Variants in PHF21B observed in about 807,000 individuals in gnomAD.
The protein encoded by PHF21B is PHD finger protein 21B, also known as PHD finger protein 4.
A neutral mutation model predicts 62.2 loss-of-function variants in PHF21B; 22 were observed. The ratio of observed to expected loss-of-function variants is 0.35; its 90% CI spans 0.25 to 0.51. The LOEUF is 0.51. Ranked by LOEUF, PHF21B falls within the 20% of genes least tolerant of loss-of-function variation. PHF21B has a pLI of 0.97. For synonymous variants in PHF21B, 341 were observed against 314.7 expected (o/e 1.08, Z -0.88); for missense variants, 701 against 707.9 (o/e 0.99, Z 0.11).
At chr22:44,958,598 ATTTTTTTTTT>A (rs59943293) in intron 2 of PHF21B, among the ~76,000 whole-genome samples, 23 of 75,902 alleles carry the variant, frequency 3.0e-4, no homozygotes, top group African/African-American at 9.6e-4. Context: ...CCTTCCTTTG[ATTTTTTTTTT>A]TTTTTTTTTT....
intron 2 of PHF21B, among the ~76,000 whole-genome samples, chr22:44,980,068 C>CAAAAAAAA (rs71190605): frequency 1.7e-5 from 1 of 57,198 alleles, no homozygotes; most frequent in Non-Finnish European, 3.0e-5. Flanking sequence ...GACTTCGTCT[C>CAAAAAAAA]AAAAAAAAAA....
At chr22:44,914,188 C>A in intron 4 of PHF21B, 100 bp from the exon 5 acceptor site, 1 of 584,692 alleles carries the variant, frequency 1.7e-6, no homozygotes, top group Non-Finnish European at 3.1e-6. Context: ...GAGCACAGAG[C>A]CTGGGCCAGG....
chr22:44,944,085 G>A (rs1434648460), intron 2 of PHF21B, among the ~76,000 whole-genome samples: 1 of 152,178 alleles, frequency 6.6e-6, no homozygotes, highest in Non-Finnish European at 1.5e-5. Context: ...TCGGTAAGAT[G>A]CTGAGCCCCG....
chr22:44,931,649 G>C (rs1409134093), intron 2 of PHF21B, among the ~76,000 whole-genome samples: 1 of 150,884 alleles, frequency 6.6e-6, no homozygotes, highest in Non-Finnish European at 1.5e-5. Context: ...TTGGGGGGGG[G>C]GTGTCAAAAA....
intron 5 of PHF21B, among the ~76,000 whole-genome samples, chr22:44,903,915 G>A (rs915416415): frequency 6.6e-6 from 1 of 152,086 alleles, no homozygotes; most frequent in Non-Finnish European, 1.5e-5. Context: ...TCTAAAAGTA[G>A]GAAGATTTCA....
intron 5 of PHF21B, among the ~76,000 whole-genome samples, chr22:44,900,991 A>C (rs543586731): frequency 4.8e-4 from 73 of 152,238 alleles, no homozygotes; most frequent in Non-Finnish European, 9.4e-4. Flanking sequence ...ATATTTCAAA[A>C]AGTGAAGCAT....
chr22:44,951,365 G>A (rs2072190873), intron 2 of PHF21B, among the ~76,000 whole-genome samples: 1 of 152,180 alleles, frequency 6.6e-6, no homozygotes, highest in Non-Finnish European at 1.5e-5. Flanking sequence ...TCTGACAGGA[G>A]GCGGAACTCG....
At chr22:44,891,706 C>A (rs1326752072) in intron 7 of PHF21B, among the ~76,000 whole-genome samples, 1 of 152,258 alleles carries the variant, frequency 6.6e-6, no homozygotes, top group Non-Finnish European at 1.5e-5. Flanking sequence ...CTGTCTCCTG[C>A]CTCTCAACTG....
At chr22:44,987,765 CCTCT>C (rs67730231) in intron 2 of PHF21B, among the ~76,000 whole-genome samples, 8,781 of 146,080 alleles carry the variant, frequency 0.06, 307 homozygotes, top group South Asian at 0.11. Flanking sequence ...TCTCTCGTCT[CCTCT>C]CTCTCTCTCT....
intron 2 of PHF21B, among the ~76,000 whole-genome samples, chr22:44,945,001 C>T (rs1430869343): frequency 8.7e-6 from 1 of 115,308 alleles, no homozygotes; most frequent in African/African-American, 3.0e-5. Context: ...ACATGAGATT[C>T]CTGCATACCG....
At chr22:44,885,667 C>G (rs1601561028) in intron 11 of PHF21B, 138 bp from the exon 12 acceptor site, 1 of 1,038,078 alleles carries the variant, frequency 9.6e-7, no homozygotes, top group Non-Finnish European at 1.4e-6. Flanking sequence ...TGGCCAAATG[C>G]ACAGGACCTG....
chr22:44,923,222 G>A (rs1260164261), intron 2 of PHF21B, among the ~76,000 whole-genome samples: 1 of 151,490 alleles, frequency 6.6e-6, no homozygotes, highest in East Asian at 1.9e-4. Flanking sequence ...GCCCAAAAAG[G>A]TAATTAATTT....
chr22:44,992,528 T>C (rs953975126), intron 2 of PHF21B, among the ~76,000 whole-genome samples: 1 of 152,178 alleles, frequency 6.6e-6, no homozygotes, highest in Admixed American at 6.5e-5. Context: ...TTGGAAAACA[T>C]CTAACAGGCA....
intron 2 of PHF21B, among the ~76,000 whole-genome samples, chr22:44,930,848 G>A (rs1411381677): frequency 6.6e-6 from 1 of 152,240 alleles, no homozygotes; most frequent in Non-Finnish European, 1.5e-5. Context: ...GGCCTGTTTG[G>A]ACCTCGGTAT....
chr22:44,962,932 A>G (rs186354406), intron 2 of PHF21B, among the ~76,000 whole-genome samples: 9 of 152,340 alleles, frequency 5.9e-5, no homozygotes, highest in Admixed American at 5.9e-4. Flanking sequence ...TCCAAGCACC[A>G]TGATGATAAA....
chr22:44,985,553 G>C (rs184144012), intron 2 of PHF21B, among the ~76,000 whole-genome samples: 4 of 150,846 alleles, frequency 2.7e-5, no homozygotes, highest in Non-Finnish European at 5.9e-5. Context: ...AGCCATGATT[G>C]CATCACCGAG....
At chr22:44,981,303 C>G (rs774719330) in intron 2 of PHF21B, among the ~76,000 whole-genome samples, 1 of 152,184 alleles carries the variant, frequency 6.6e-6, no homozygotes, top group African/African-American at 2.4e-5. Flanking sequence ...CTACCCTCCT[C>G]GGATACTGTC....
chr22:44,907,898 C>G (rs2147285694), intron 5 of PHF21B, among the ~76,000 whole-genome samples: 1 of 152,316 alleles, frequency 6.6e-6, no homozygotes, highest in East Asian at 1.9e-4. Context: ...GGAACACAAT[C>G]CCACGGTCCA....
intron 7 of PHF21B, among the ~76,000 whole-genome samples, chr22:44,893,088 G>A (rs750788709): frequency 3.7e-4 from 56 of 152,270 alleles, no homozygotes; most frequent in African/African-American, 1.2e-3. Flanking sequence ...AACTGCACAG[G>A]CTCTAGACAA....
Sources: gnomAD v4.1 joint callset for allele counts (sites outside exome capture counted in the v4.1 genomes callset) on GRCh38, gnomAD v4.1.1 for gene constraint, MANE v1.5 for transcripts, NCBI Gene and HGNC (gene_info 2026-07-23, HGNC 2026-07-21) for gene names.